OTOGL: variants seen among roughly 807,000 people sequenced by gnomAD.
The protein encoded by OTOGL is otogelin like.
A neutral mutation model predicts 318.5 loss-of-function variants in OTOGL; 285 were observed. That is an observed-to-expected ratio of 0.89 (90% confidence interval 0.81 to 0.99). The LOEUF (loss-of-function observed/expected upper bound fraction) is 0.99. Ranked by LOEUF, OTOGL falls within the 50% of genes least tolerant of loss-of-function variation. OTOGL has a pLI of 0.00. For synonymous variants in OTOGL, 987 were observed against 936.5 expected (o/e 1.05, Z -0.99); for missense variants, 2,899 against 2,845.6 (o/e 1.02, Z -0.43).
At chr12:80,265,253 A>G in intron 20 of OTOGL, 43 bp downstream of exon 20, 1 of 1,539,088 alleles carries the variant, frequency 6.5e-7, no homozygotes, top group Admixed American at 1.8e-5. Flanking sequence ...ATAATACCTT[A>G]GAGACCTCTA....
Position 80,353,528 on chromosome 12 carries a change from A to C in OTOGL, c.5593+18A>C. On this transcript the variant is annotated intron_variant, in intron 46 of 58. Transcript: ENST00000547103. Reference sequence around the variant, plus strand: ...AGAGTGTGGTAAGACACAAAGTACAAAATGACTTCTCAGGAATCCGGCAAA... The same window carrying C: ...AGAGTGTGGTAAGACACAAAGTACACAATGACTTCTCAGGAATCCGGCAAA... 6.8e-7 allele frequency: 1 copy of C among 1,464,446 alleles called. No homozygotes were observed. Among genetic ancestry groups the C allele is most frequent in the Non-Finnish European group, 9.1e-7 (1 of 1,095,528 alleles). The allele number at this position is 1,464,446 out of a possible 1,614,324, so 90.7% of individuals were successfully genotyped here.
At chr12:80,159,883 TA>T (rs1455788488) in intron 1 of OTOGL, among the ~76,000 whole-genome samples, 2 of 152,026 alleles carry the variant, frequency 1.3e-5, no homozygotes, top group Non-Finnish European at 2.9e-5. Context: ...AACAGCGTGG[TA>T]CTTGTATAAA....
intron 29 of OTOGL, among the ~76,000 whole-genome samples, chr12:80,308,937 G>A (rs1453185179): frequency 2.6e-5 from 4 of 151,910 alleles, no homozygotes; most frequent in Non-Finnish European, 4.4e-5. Flanking sequence ...GCTTCGGCTC[G>A]GCATCAGAGG....
At chr12:80,160,867 T>G (rs1592506849) in intron 1 of OTOGL, among the ~76,000 whole-genome samples, 1 of 151,820 alleles carries the variant, frequency 6.6e-6, no homozygotes, top group East Asian at 1.9e-4. Flanking sequence ...GATAAAGAAA[T>G]TGTGGTATAT....
intron 1 of OTOGL, among the ~76,000 whole-genome samples, chr12:80,126,272 T>A (rs1870831726): frequency 6.6e-6 from 1 of 152,222 alleles, no homozygotes; most frequent in South Asian, 2.1e-4. Flanking sequence ...AGAACATCTT[T>A]ATTTCTGCCT....
At position 80,366,511 on chromosome 12, in the gene OTOGL, T is replaced by TTATA. The variant is rs35874282; in HGVS notation, c.6268-46_6268-43dup. 1,158 of 176,114 alleles carry TTATA rather than the reference T, an allele frequency of 6.6e-3. 10 individuals are homozygous for TTATA. Among genetic ancestry groups the TTATA allele is most frequent in the South Asian group, 0.021 (110 of 5,306 alleles). 10.9% of individuals were successfully genotyped at this position (176,114 alleles called of 1,614,324 possible). On this transcript the variant is annotated intron_variant, in intron 52 of 58. Transcript: ENST00000547103. Reference sequence around the variant, plus strand: ...ATATCAATTGTTTTATATATATAGGTTATATATATATATATATATAAAATA... The same window carrying TTATA: ...ATATCAATTGTTTTATATATATAGGTTATATATATATATATATATATATAAAATA...
At chr12:80,356,648 T>A in intron 48 of OTOGL, 128 bp downstream of exon 48, 1 of 798,558 alleles carries the variant, frequency 1.3e-6, no homozygotes, top group Non-Finnish European at 1.8e-6. Flanking sequence ...GTCTTGCTAA[T>A]TTTTTAAACC....
chr12:80,236,085 G>A (rs1879822201), intron 9 of OTOGL, among the ~76,000 whole-genome samples: 1 of 152,124 alleles, frequency 6.6e-6, no homozygotes, highest in South Asian at 2.1e-4. Flanking sequence ...GATTAAAATT[G>A]CATTTCTCTC....
chr12:80,142,815 G>A (rs978706556), intron 1 of OTOGL, among the ~76,000 whole-genome samples: 1 of 152,182 alleles, frequency 6.6e-6, no homozygotes, highest in Admixed American at 6.6e-5. Context: ...AGAGGTGAAT[G>A]AGGAGGGGAA....
At position 80,252,170 on chromosome 12, in the gene OTOGL, C is replaced by T. The variant is rs1437025520; in HGVS notation, c.1254C>T (p.Leu418=). The part of the protein sequence containing the change: ...TFEKQCLGSN[L]HCLDGCYCPD... ...AGAAGCAATGTCTTGGGAGCAATCT[C>T]CATTGTCTTGATGGATGTTACTGCC... Residue 418 remains leucine (L), a synonymous_variant, in exon 13 of 59, where the codon CTC becomes CTT. Transcript: ENST00000547103. 1.9e-6 allele frequency: 3 copies of T among 1,596,078 alleles called. No individual in the cohort carries two copies. Among genetic ancestry groups the T allele is most frequent in the African/African-American group, 2.7e-5 (2 of 74,688 alleles).
In OTOGL at chr12:80,143,454, C is replaced by T. The variant is rs961892229; in HGVS notation, c.-20+43849C>T. 2.0e-5 allele frequency among the ~76,000 whole-genome samples: 3 copies of T among 152,226 alleles called. No homozygotes were observed. The East Asian group carries it at 5.8e-4, about 29-fold the overall frequency. On this transcript the variant is annotated intron_variant, in intron 1 of 58. Coordinates refer to ENST00000547103, the MANE Select transcript of OTOGL (RefSeq NM_001378609.3). ...AAAGTGATCCCTGGTGATAGACACACCTTCTTTCCCATTAATTGGAAAGTG... is the reference window on the plus strand; with the variant it reads ...AAAGTGATCCCTGGTGATAGACACATCTTCTTTCCCATTAATTGGAAAGTG...
intron 1 of OTOGL, among the ~76,000 whole-genome samples, chr12:80,101,418 T>C (rs895138863): frequency 1.3e-5 from 2 of 152,220 alleles, no homozygotes; most frequent in Non-Finnish European, 2.9e-5. Flanking sequence ...AACATCCTCC[T>C]TTCTGGCTTT....
At chr12:80,349,768 GT>G (rs371077904) in intron 44 of OTOGL, among the ~76,000 whole-genome samples, 3,540 of 152,156 alleles carry the variant, frequency 0.023, 43 homozygotes, top group Non-Finnish European at 0.033. Context: ...AAATCTTAGG[GT>G]TTTTTTCTGC....
At chr12:80,158,185 C>T (rs1873254335) in intron 1 of OTOGL, among the ~76,000 whole-genome samples, 1 of 152,018 alleles carries the variant, frequency 6.6e-6, no homozygotes, top group African/African-American at 2.4e-5. Context: ...CAGTTTGTGG[C>T]AAACTTGTTT....
At chr12:80,359,140 A>G (rs1005102539) in intron 52 of OTOGL, among the ~76,000 whole-genome samples, 1 of 152,174 alleles carries the variant, frequency 6.6e-6, no homozygotes, top group Non-Finnish European at 1.5e-5. Context: ...CTAATCTTAT[A>G]TCTACTTCAG....
intron 56 of OTOGL, among the ~76,000 whole-genome samples, chr12:80,371,288 G>A (rs1890860583): frequency 6.6e-6 from 1 of 151,982 alleles, no homozygotes; most frequent in African/African-American, 2.4e-5. Flanking sequence ...AATTCCTAAT[G>A]AAAACTAGGC....
chr12:80,115,349 G>A (rs946874580), intron 1 of OTOGL, among the ~76,000 whole-genome samples: 1 of 151,744 alleles, frequency 6.6e-6, no homozygotes, highest in Middle Eastern at 3.2e-3. Context: ...TAACAGTCAG[G>A]TCCCTCTTCT....
Position 80,252,088 on chromosome 12 carries a change from A to T in OTOGL, c.1172A>T (p.Asp391Val). 1 of 1,547,756 alleles carries T rather than the reference A, an allele frequency of 6.5e-7. No homozygotes were observed. The highest frequency in any genetic ancestry group is 8.7e-7 in the Non-Finnish European group (1 of 1,144,380). The change falls in exon 13 of 59, where the codon GAT (aspartate) becomes GTT (valine). Residue 391 changes from aspartate to valine, a missense_variant. Asp to Val is a radical substitution (Grantham distance 152). Coordinates refer to ENST00000547103, the MANE Select transcript of OTOGL (RefSeq NM_001378609.3). ...DDFPACTDKC[D>V]DSFVHRDCIS... ...TTGTCTGTTTTAGCTGATAAATGTGATGATAGCTTTGTCCATCGGGACTGT... is the reference window on the plus strand; with the variant it reads ...TTGTCTGTTTTAGCTGATAAATGTGTTGATAGCTTTGTCCATCGGGACTGT...
At chr12:80,361,160 AACC>A (rs1890217430) in intron 52 of OTOGL, 1 of 152,034 alleles carries the variant, frequency 6.6e-6, no homozygotes, top group East Asian at 1.9e-4. Context: ...CAGCCCTGGT[AACC>A]ACCATTATAC....
Sources: allele counts gnomAD v4.1 joint callset (sites outside exome capture counted in the v4.1 genomes callset), GRCh38; gene constraint gnomAD v4.1.1; transcripts MANE v1.5; gene names NCBI Gene and HGNC (gene_info 2026-07-23, HGNC 2026-07-21).